Variants in ZNF704 observed in about 807,000 individuals in gnomAD.
ZNF704 encodes glucocorticoid induced gene 1.
ZNF704 carries 10 observed loss-of-function variants against 44.7 expected under a neutral mutation model. The observed-to-expected ratio is 0.22, with a 90% CI of 0.14 to 0.38. The LOEUF (loss-of-function observed/expected upper bound fraction) is 0.38. Among genes scored for constraint, ZNF704 ranks in the 10% least tolerant of loss-of-function variants. The probability of loss-of-function intolerance (pLI) is 1.00; values close to 1 mark genes in which losing one functional copy is unlikely to be tolerated. For synonymous variants in ZNF704, 211 were observed against 207.6 expected (o/e 1.02, Z -0.14); for missense variants, 390 against 545.5 (o/e 0.71, Z 2.84).
At chr8:80,808,682 C>G (rs909170494) in intron 2 of ZNF704, among the ~76,000 whole-genome samples, 20 of 152,220 alleles carry the variant, frequency 1.3e-4, no homozygotes, top group Non-Finnish European at 1.9e-4. Flanking sequence ...CTGTCTGGCA[C>G]TTTCAACGTG....
chr8:80,770,249 T>C (rs1807298090), intron 2 of ZNF704, among the ~76,000 whole-genome samples: 2 of 152,282 alleles, frequency 1.3e-5, no homozygotes, highest in South Asian at 4.2e-4. Context: ...ATAGTGACAT[T>C]AATATAGTCA....
intron 1 of ZNF704, among the ~76,000 whole-genome samples, chr8:80,850,233 T>A (rs1164447289): frequency 2.0e-5 from 3 of 152,114 alleles, no homozygotes; most frequent in Admixed American, 2.0e-4. Flanking sequence ...GAAACTTGTC[T>A]TTTTTTGTCC....
intron 7 of ZNF704, among the ~76,000 whole-genome samples, chr8:80,643,427 A>C (rs1375117245): frequency 6.8e-6 from 1 of 146,158 alleles, no homozygotes; most frequent in African/African-American, 2.5e-5. Flanking sequence ...CTGAGGCAGG[A>C]GAACTGCTTG....
chr8:80,867,178 T>C (rs1250756797), intron 1 of ZNF704, among the ~76,000 whole-genome samples: 1 of 152,166 alleles, frequency 6.6e-6, no homozygotes, highest in Non-Finnish European at 1.5e-5. Flanking sequence ...TGTATACGTG[T>C]CCCTTGGAAA....
intron 2 of ZNF704, among the ~76,000 whole-genome samples, chr8:80,811,350 T>A (rs1439952178): frequency 2.0e-5 from 3 of 152,238 alleles, no homozygotes; most frequent in Admixed American, 2.0e-4. Flanking sequence ...TCCTATTTTT[T>A]AATAAAAATT....
chr8:80,646,867 A>G (rs924826972), intron 7 of ZNF704, among the ~76,000 whole-genome samples: 12 of 152,252 alleles, frequency 7.9e-5, no homozygotes, highest in African/African-American at 2.9e-4. Flanking sequence ...TTCTTGTAGA[A>G]CTTATAGAAT....
At chr8:80,756,404 T>C (rs1243600178) in intron 2 of ZNF704, among the ~76,000 whole-genome samples, 1 of 152,192 alleles carries the variant, frequency 6.6e-6, no homozygotes, top group African/African-American at 2.4e-5. Context: ...ATCAACCCCA[T>C]GAGGAGGTAT....
chr8:80,841,739 G>T (rs1446661293), intron 1 of ZNF704, among the ~76,000 whole-genome samples: 1 of 152,108 alleles, frequency 6.6e-6, no homozygotes, highest in East Asian at 1.9e-4. Flanking sequence ...CATATCAAAT[G>T]ACTAGGAACA....
chr8:80,657,522 G>GT (rs1818034625), intron 7 of ZNF704, among the ~76,000 whole-genome samples: 1 of 151,908 alleles, frequency 6.6e-6, no homozygotes, highest in African/African-American at 2.4e-5. Context: ...GGAAACCCCC[G>GT]TATCTACTAA....
At chr8:80,811,265 G>A (rs1465137384) in intron 2 of ZNF704, among the ~76,000 whole-genome samples, 1 of 152,046 alleles carries the variant, frequency 6.6e-6, no homozygotes, top group Non-Finnish European at 1.5e-5. Context: ...ATTGACATAT[G>A]TTCAAATAAT....
chr8:80,630,454 C>T lies in ZNF704; in HGVS notation c.*10912G>A, dbSNP rs1343056175. On this transcript the variant is annotated 3_prime_UTR_variant, in exon 9 of 9. Coordinates refer to ENST00000327835, the MANE Select transcript of ZNF704 (RefSeq NM_001033723.3). ...CAATGTTTTCTACTGATTGCATTTC[C>T]ACTAAATACCCCATTTTAAATATTT... 6.6e-6 allele frequency: 1 copy of T among 152,182 alleles called. No individual in the cohort carries two copies. The highest frequency in any genetic ancestry group is 1.9e-4 in the East Asian group (1 of 5,192). The allele number at this position is 152,182 out of a possible 1,614,324, so 9.4% of individuals were successfully genotyped here. A position where few individuals can be genotyped will look rare whatever the true frequency, so the allele number is the denominator to read the frequency against.
Position 80,715,017 on chromosome 8 carries a change from T to C in ZNF704, c.222-21910A>G, listed in dbSNP as rs76934469. ...GAATTATGGATCCATACTGATCACATTTCTTGGCTGCAAAAACCAAAACTC... is the reference window on the plus strand; with the variant it reads ...GAATTATGGATCCATACTGATCACACTTCTTGGCTGCAAAAACCAAAACTC... On this transcript the variant is annotated intron_variant, in intron 2 of 8. Transcript: ENST00000327835. Among the ~76,000 whole-genome samples, 911 of 152,308 alleles carry C rather than the reference T, an allele frequency of 6.0e-3. 5 individuals are homozygous for C. Among genetic ancestry groups the C allele is most frequent in the Non-Finnish European group, 8.5e-3 (580 of 68,040 alleles).
chr8:80,852,645 G>A (rs898623398), intron 1 of ZNF704, among the ~76,000 whole-genome samples: 2 of 152,086 alleles, frequency 1.3e-5, no homozygotes, highest in African/African-American at 2.4e-5. Flanking sequence ...ACAGTTTCAC[G>A]CTTGCTGCTC....
chr8:80,640,261 A>C lies in ZNF704; in HGVS notation c.*1105T>G, dbSNP rs1170868463. On this transcript the variant is annotated 3_prime_UTR_variant, in exon 9 of 9. Coordinates refer to ENST00000327835, the MANE Select transcript of ZNF704 (RefSeq NM_001033723.3). ...GGACATGCTAAAGCATAAAACCTAT[A>C]AAAGTGCACTCAGAATGGAAGTGGT... 1.3e-5 allele frequency: 2 copies of C among 152,622 alleles called. No homozygotes were observed. Among genetic ancestry groups the C allele is most frequent in the Non-Finnish European group, 2.9e-5 (2 of 68,036 alleles). 9.5% of individuals were successfully genotyped at this position (152,622 alleles called of 1,614,324 possible).
chr8:80,732,221 C>T (rs528758846), intron 2 of ZNF704, among the ~76,000 whole-genome samples: 36 of 152,208 alleles, frequency 2.4e-4, no homozygotes, highest in African/African-American at 7.2e-4. Flanking sequence ...CACCCATTTT[C>T]GGGATTTTGT....
At chr8:80,726,599 A>G (rs975569311) in intron 2 of ZNF704, among the ~76,000 whole-genome samples, 33 of 152,174 alleles carry the variant, frequency 2.2e-4, no homozygotes, top group Admixed American at 6.5e-5. Flanking sequence ...ACCTTGAAAA[A>G]AAGGGTGGAG....
the ZNF704 span, among the ~76,000 whole-genome samples, chr8:80,883,415 G>A: frequency 1.3e-5 from 2 of 152,162 alleles, no homozygotes; most frequent in Admixed American, 6.5e-5. Context: ...ACATTCTGCA[G>A]TGATGGAAAT....
chr8:80,809,131 A>C (rs560396482), intron 2 of ZNF704, among the ~76,000 whole-genome samples: 1 of 152,300 alleles, frequency 6.6e-6, no homozygotes, highest in African/African-American at 2.4e-5. Flanking sequence ...GTCCTACTAC[A>C]AACACAAAAG....
chr8:80,668,622 G>A lies in ZNF704; in HGVS notation c.659+1881C>T, dbSNP rs573743989. On this transcript the variant is annotated intron_variant, in intron 5 of 8. Coordinates refer to ENST00000327835, the MANE Select transcript of ZNF704 (RefSeq NM_001033723.3). Reference sequence around the variant, plus strand: ...GCCTGGGGGACACTGCGTGTCCCACGTGGGGTTAAATCAGGACCAGCCCCT... The same window carrying A: ...GCCTGGGGGACACTGCGTGTCCCACATGGGGTTAAATCAGGACCAGCCCCT... 3.9e-5 allele frequency among the ~76,000 whole-genome samples: 6 copies of A among 152,342 alleles called. No homozygotes were observed. The South Asian group carries it at 8.3e-4, about 21-fold the overall frequency.
Sources: gnomAD v4.1 joint callset for allele counts (sites outside exome capture counted in the v4.1 genomes callset) on GRCh38, gnomAD v4.1.1 for gene constraint, MANE v1.5 for transcripts, NCBI Gene and HGNC (gene_info 2026-07-23, HGNC 2026-07-21) for gene names.